PCMTD2: variants seen among roughly 807,000 people sequenced by gnomAD.
The protein encoded by PCMTD2 is protein-L-isoaspartate (D-aspartate) O-methyltransferase domain containing 2.
In PCMTD2, 16 loss-of-function variants were observed where a neutral mutation model predicts 33.4. The ratio of observed to expected loss-of-function variants is 0.48; its 90% confidence interval spans 0.32 to 0.73. The LOEUF is 0.73. Ranked by LOEUF, PCMTD2 falls within the 30% of genes least tolerant of loss-of-function variation. The probability of loss-of-function intolerance (pLI) is 0.03; values close to 1 mark genes in which losing one functional copy is unlikely to be tolerated. For synonymous variants in PCMTD2, 161 were observed against 160.8 expected (o/e 1.00, Z -0.01); for missense variants, 374 against 449.9 (o/e 0.83, Z 1.53).
intron 2 of PCMTD2, among the ~76,000 whole-genome samples, chr20:64,263,324 G>A (rs536754366): frequency 6.6e-6 from 1 of 152,194 alleles, no homozygotes; most frequent in Non-Finnish European, 1.5e-5. Context: ...AATACGTGGA[G>A]AGAAAAGAGC....
rs992899663 is a variant in PCMTD2, at chr20:64,274,750, C to T, written c.*1150C>T. 4 of 152,222 alleles carry T rather than the reference C, an allele frequency of 2.6e-5. No individual in the cohort carries two copies. Among genetic ancestry groups the T allele is most frequent in the African/African-American group, 9.6e-5 (4 of 41,452 alleles). 9.4% of individuals were successfully genotyped at this position (152,222 alleles called of 1,614,324 possible). On this transcript the variant is annotated 3_prime_UTR_variant, in exon 6 of 6. Coordinates refer to ENST00000308824, the MANE Select transcript of PCMTD2 (RefSeq NM_018257.3). ...CACACTGACTTGTGATATCAGCCTT[C>T]TCTGGGCCTTGTGTGTGGAGAGCTT... is the stretch of plus-strand genomic sequence containing the variant.
Position 64,273,874 on chromosome 20 carries a change from G to GT in PCMTD2, c.*277dup. ...TCTTCATAGAGAAAAAGAGAAGGCT[G>GT]TTTCTTTTTCGGCTCTGACGAAACA... On this transcript the variant is annotated 3_prime_UTR_variant, in exon 6 of 6. Coordinates refer to ENST00000308824, the MANE Select transcript of PCMTD2 (RefSeq NM_018257.3). The GT allele has an allele frequency of 3.1e-6, 1 of 325,350 alleles. No individual in the cohort carries two copies. The highest frequency in any genetic ancestry group is 5.6e-6 in the Non-Finnish European group (1 of 179,054). 20.2% of individuals were successfully genotyped at this position (325,350 alleles called of 1,614,324 possible).
intron 2 of PCMTD2, among the ~76,000 whole-genome samples, chr20:64,264,006 A>G (rs1601742501): frequency 6.6e-6 from 1 of 152,286 alleles, no homozygotes; most frequent in East Asian, 1.9e-4. Flanking sequence ...TTGGAAGCAT[A>G]GTTTTATCTT....
At chr20:64,261,392 G>A (rs759327435) in intron 2 of PCMTD2, among the ~76,000 whole-genome samples, 1 of 152,118 alleles carries the variant, frequency 6.6e-6, no homozygotes, top group African/African-American at 2.4e-5. Context: ...TTTACGGGTG[G>A]ACTGTATATG....
At chr20:64,270,449 G>A (rs1254773416) in intron 5 of PCMTD2, among the ~76,000 whole-genome samples, 6 of 151,070 alleles carry the variant, frequency 4.0e-5, no homozygotes, top group African/African-American at 1.2e-4. Context: ...ATGTGACTGC[G>A]GATGTGCACA....
At chr20:64,272,710 CTGGGGAGGT>C (rs1985957710) in intron 5 of PCMTD2, among the ~76,000 whole-genome samples, 1 of 152,326 alleles carries the variant, frequency 6.6e-6, no homozygotes, top group East Asian at 1.9e-4. Flanking sequence ...ATCCCAGCTA[CTGGGGAGGT>C]TGAGGCGGGA....
chr20:64,270,270 A>T (rs1479917980), intron 5 of PCMTD2, among the ~76,000 whole-genome samples: 1 of 101,312 alleles, frequency 9.9e-6, no homozygotes, highest in Non-Finnish European at 2.0e-5. Context: ...GGCACGTGTG[A>T]TGTGGGGTCA....
chr20:64,263,493 C>A (rs1238943941), intron 2 of PCMTD2, among the ~76,000 whole-genome samples: 1 of 152,172 alleles, frequency 6.6e-6, no homozygotes, highest in Non-Finnish European at 1.5e-5. Flanking sequence ...GCTACATGAT[C>A]ACTGTAGTAG....
At position 64,260,223 on chromosome 20, in the gene PCMTD2, C is replaced by G; in HGVS notation, c.258C>G (p.Asn86Lys). ...LDLQPGLSFL[N>K]LGSGTGYLSS... is the part of the protein sequence containing the mutation. ...TGCAGCCTGGACTCTCGTTTCTGAA[C>G]CTGGGCAGTGGCACTGGGTATCTCA... is the stretch of plus-strand genomic sequence containing the variant. Residue 86 changes from asparagine to lysine, a missense_variant, in exon 2 of 6, where the codon AAC becomes AAG. Coordinates refer to ENST00000308824, the MANE Select transcript of PCMTD2 (RefSeq NM_018257.3). 1 of 1,613,836 alleles carries G rather than the reference C, an allele frequency of 6.2e-7. No individual in the cohort carries two copies. Among genetic ancestry groups the G allele is most frequent in the Non-Finnish European group, 8.5e-7 (1 of 1,179,716 alleles).
Position 64,267,874 on chromosome 20 carries a change from G to C in PCMTD2, c.583-13G>C. ...CAATTCTTTTGAATATTCTCATTTT[G>C]TCTCTGGGATAGTTGACTAAGATAA... is the stretch of plus-strand genomic sequence containing the variant. On this transcript the variant is annotated splice_polypyrimidine_tract_variant and intron_variant, in intron 4 of 5. Coordinates refer to ENST00000308824, the MANE Select transcript of PCMTD2 (RefSeq NM_018257.3). 6.2e-7 allele frequency: 1 copy of C among 1,610,414 alleles called. No individual in the cohort carries two copies. The highest frequency in any genetic ancestry group is 8.5e-7 in the Non-Finnish European group (1 of 1,177,534).
At chr20:64,267,742 A>G in intron 4 of PCMTD2, 145 bp from the exon 5 acceptor site, 1 of 644,438 alleles carries the variant, frequency 1.6e-6, no homozygotes, top group Non-Finnish European at 2.6e-6. Flanking sequence ...ACTTCATGGC[A>G]CATCACATTA....
At position 64,273,818 on chromosome 20, in the gene PCMTD2, A is replaced by T. The variant is rs571323248; in HGVS notation, c.*218A>T. 3.4e-5 allele frequency: 14 copies of T among 416,490 alleles called. No homozygotes were observed. The highest frequency in any genetic ancestry group is 2.9e-4 in the African/African-American group (14 of 49,034). The allele number at this position is 416,490 out of a possible 1,614,324, so 25.8% of individuals were successfully genotyped here. A position where few individuals can be genotyped will look rare whatever the true frequency, so the allele number is the denominator to read the frequency against. Reference sequence around the variant, plus strand: ...CATAGTTCCACAAGACCTTCATTGCATAGAAGATTGTTTTCCCAAAGTGGA... The same window carrying T: ...CATAGTTCCACAAGACCTTCATTGCTTAGAAGATTGTTTTCCCAAAGTGGA... On this transcript the variant is annotated 3_prime_UTR_variant, in exon 6 of 6. Transcript: ENST00000308824.
rs769125992 is a variant in PCMTD2 at position 64,267,983 on chromosome 20, T to A, written c.679T>A (p.Ser227Thr). The A allele has an allele frequency of 1.2e-6, 2 of 1,612,774 alleles. No homozygotes were observed. The highest frequency in any genetic ancestry group is 8.5e-7 in the Non-Finnish European group (1 of 1,179,008). The change falls in exon 5 of 6, where the codon TCA becomes ACA. Residue 227 changes from serine to threonine, a missense_variant. Physicochemically the swap from Ser to Thr is moderately conservative, Grantham distance 58 (BLOSUM62 1). Coordinates refer to ENST00000308824, the MANE Select transcript of PCMTD2 (RefSeq NM_018257.3). ...TCTGATCCAGCCCTGCCATTCAGAG[T>A]CAGGAAAATCAAGACTTGTCCAGTT... ...APLIQPCHSE[S>T]GKSRLVQLPP...
intron 1 of PCMTD2, among the ~76,000 whole-genome samples, chr20:64,257,345 A>C (rs1164233963): frequency 1.3e-5 from 2 of 152,238 alleles, no homozygotes; most frequent in African/African-American, 4.8e-5. Context: ...TTCGCATTGT[A>C]AGGAGCAGCC....
intron 4 of PCMTD2, among the ~76,000 whole-genome samples, 162 bp from the exon 5 acceptor site, chr20:64,267,725 T>C (rs1012158337): frequency 6.6e-6 from 1 of 152,240 alleles, no homozygotes; most frequent in East Asian, 1.9e-4. Context: ...ATTCATAAGG[T>C]AGATGTACTT....
At chr20:64,265,590 A>G in intron 4 of PCMTD2, 161 bp downstream of exon 4, 1 of 502,472 alleles carries the variant, frequency 2.0e-6, no homozygotes, top group Non-Finnish European at 3.3e-6. Context: ...CACATGCCCT[A>G]GCTGGGGCCA....
chr20:64,256,124 C>T lies in PCMTD2; in HGVS notation c.-25+254C>T, dbSNP rs534649637. 2.6e-5 allele frequency among the ~76,000 whole-genome samples: 4 copies of T among 152,342 alleles called. No individual in the cohort carries two copies. The East Asian group carries it at 7.7e-4, about 29-fold the overall frequency. On this transcript the variant is annotated intron_variant, in intron 1 of 5. Transcript: ENST00000308824. Reference sequence around the variant, plus strand: ...TCCCGGTGCCCGTTGCTCACTCACACTCTTGGGTCTGGTTAGTCCAGACCT... The same window carrying T: ...TCCCGGTGCCCGTTGCTCACTCACATTCTTGGGTCTGGTTAGTCCAGACCT...
rs1431944975 is a variant in PCMTD2, at chr20:64,260,074, G to A, written c.109G>A (p.Asp37Asn). The A allele has an allele frequency of 3.1e-6, 5 of 1,612,230 alleles. No individual in the cohort carries two copies. The highest frequency in any genetic ancestry group is 1.1e-5 in the South Asian group (1 of 91,038). ...ELVEQAFRAI[D>N]RADYYLEEFK... ...GGTAGAGCAGGCTTTCAGAGCTATC[G>A]ATCGTGCAGACTATTATCTTGAAGA... is the stretch of plus-strand genomic sequence containing the variant. Residue 37 changes from aspartate (D) to asparagine (N), a missense_variant, in exon 2 of 6, where the codon GAT becomes AAT. Asp to Asn is a conservative substitution (Grantham distance 23). Transcript: ENST00000308824.
Position 64,273,723 on chromosome 20 carries a change from A to C in PCMTD2, c.*123A>C. 3 of 715,488 alleles carry C rather than the reference A, an allele frequency of 4.2e-6. No individual in the cohort carries two copies. The highest frequency in any genetic ancestry group is 6.6e-6 in the Non-Finnish European group (3 of 453,310). The allele number at this position is 715,488 out of a possible 1,614,324, so 44.3% of individuals were successfully genotyped here. ...TGTGGGGAAGGGAACTGCTGGGCTC[A>C]TCCACACCATGGTTTTCTTCTAGTT... On this transcript the variant is annotated 3_prime_UTR_variant, in exon 6 of 6. Coordinates refer to ENST00000308824, the MANE Select transcript of PCMTD2 (RefSeq NM_018257.3).
Sources: allele counts gnomAD v4.1 joint callset (sites outside exome capture counted in the v4.1 genomes callset), GRCh38; gene constraint gnomAD v4.1.1; transcripts MANE v1.5; gene names NCBI Gene and HGNC (gene_info 2026-07-23, HGNC 2026-07-21).